RPRD2: variants seen among roughly 807,000 people sequenced by gnomAD.
RPRD2 encodes the protein regulation of nuclear pre-mRNA domain-containing protein 2.
RPRD2 carries 12 observed loss-of-function variants against 104.4 expected under a neutral mutation model. That is an observed-to-expected ratio of 0.11 (90% CI 0.07 to 0.19). RPRD2 has a LOEUF of 0.19. RPRD2 is among the 10% of genes least tolerant of loss of function. RPRD2 has a pLI of 1.00. For synonymous variants in RPRD2, 714 were observed against 684.9 expected (o/e 1.04, Z -0.66); for missense variants, 1,543 against 1,790.1 (o/e 0.86, Z 2.49).
intron 1 of RPRD2, among the ~76,000 whole-genome samples, chr1:150,370,332 T>G (rs587650449): frequency 2.5e-4 from 38 of 152,278 alleles, no homozygotes; most frequent in African/African-American, 9.1e-4. Context: ...GTACTTAAAC[T>G]GTGAACCTCA....
intron 9 of RPRD2, among the ~76,000 whole-genome samples, chr1:150,463,157 G>A (rs1570791584): frequency 1.3e-5 from 2 of 151,944 alleles, no homozygotes; most frequent in East Asian, 1.9e-4. Flanking sequence ...CACCCAGCCC[G>A]AAATTTTTTA....
rs1466335514 is a variant in RPRD2 at position 150,474,680 on chromosome 1, G to A, written c.*1346G>A. ...TATCTAGGGACACTGAAAAGTAAAT[G>A]TTGCTTTACTACAATTTTTTTTTAA... On this transcript the variant is annotated 3_prime_UTR_variant, in exon 11 of 11. Coordinates refer to ENST00000369068, the MANE Select transcript of RPRD2 (RefSeq NM_015203.5). 1.3e-5 allele frequency: 2 copies of A among 152,030 alleles called. No homozygotes were observed. The highest frequency in any genetic ancestry group is 2.9e-5 in the Non-Finnish European group (2 of 68,012). The allele number at this position is 152,030 out of a possible 1,614,324, so 9.4% of individuals were successfully genotyped here. A position where few individuals can be genotyped will look rare whatever the true frequency, so the allele number is the denominator to read the frequency against.
In RPRD2 at chr1:150,473,116, G is replaced by C; in HGVS notation, c.4168G>C (p.Gly1390Arg). ...GPPHGGGGGG[G>R]SNSSSGPPLG... ...ACCCCATGGAGGAGGAGGTGGGGGAGGCAGCAACAGCAGCAGTGGCCCCCC... is the reference window on the plus strand; with the variant it reads ...ACCCCATGGAGGAGGAGGTGGGGGACGCAGCAACAGCAGCAGTGGCCCCCC... The change falls in exon 11 of 11, where the codon GGC becomes CGC. Residue 1390 changes from glycine (G) to arginine (R), a missense_variant. Around this residue, in one of 4 missense-constraint regions of RPRD2, gnomAD observed 880 missense variants for 885.6 expected, o/e 0.99. Transcript: ENST00000369068. 3 of 1,613,972 alleles carry C rather than the reference G, an allele frequency of 1.9e-6. No individual in the cohort carries two copies. Among genetic ancestry groups the C allele is most frequent in the South Asian group, 2.2e-5 (2 of 91,090 alleles).
chr1:150,468,301 T>G (rs1224309415), intron 10 of RPRD2, among the ~76,000 whole-genome samples: 1 of 150,880 alleles, frequency 6.6e-6, no homozygotes, highest in Non-Finnish European at 1.5e-5. Context: ...ACCAGCCTGG[T>G]CAATATAGCA....
At chr1:150,467,339 T>G (rs1482014699) in intron 10 of RPRD2, among the ~76,000 whole-genome samples, 1 of 152,020 alleles carries the variant, frequency 6.6e-6, no homozygotes, top group African/African-American at 2.4e-5. Context: ...AATTTGAGAG[T>G]TTGACATGTT....
intron 1 of RPRD2, among the ~76,000 whole-genome samples, chr1:150,389,310 A>G (rs1487041932): frequency 1.3e-5 from 2 of 152,180 alleles, no homozygotes; most frequent in African/African-American, 4.8e-5. Flanking sequence ...TCGGCCTCGC[A>G]AAGTGCTGGG....
chr1:150,365,984 G>GT (rs1659816834), intron 1 of RPRD2, among the ~76,000 whole-genome samples: 1 of 152,190 alleles, frequency 6.6e-6, no homozygotes, highest in South Asian at 2.1e-4. Flanking sequence ...TGAATATGTA[G>GT]TACCTTTTTC....
chr1:150,454,653 A>G (rs903277737), intron 7 of RPRD2, among the ~76,000 whole-genome samples: 4 of 152,006 alleles, frequency 2.6e-5, no homozygotes, highest in African/African-American at 7.2e-5. Flanking sequence ...TTCGAGATCA[A>G]CCTAGCCAAC....
intron 10 of RPRD2, 143 bp downstream of exon 10, chr1:150,464,870 T>G (rs782798897): frequency 3.3e-5 from 14 of 418,446 alleles, no homozygotes; most frequent in East Asian, 4.7e-5. Flanking sequence ...ATTTATTTAT[T>G]TATTTATTTA....
chr1:150,431,742 A>G (rs1448563266), intron 2 of RPRD2, among the ~76,000 whole-genome samples: 2 of 151,988 alleles, frequency 1.3e-5, no homozygotes, highest in Non-Finnish European at 2.9e-5. Flanking sequence ...CAGCCTCCCA[A>G]AGTGCTGGGA....
intron 2 of RPRD2, among the ~76,000 whole-genome samples, chr1:150,439,627 C>CTTTTTTTTTTTTT: frequency 7.0e-6 from 1 of 142,292 alleles, no homozygotes; most frequent in Non-Finnish European, 1.5e-5. Context: ...TTTGACATAG[C>CTTTTTTTTTTTTT]TTTTTTTTTT....
intron 7 of RPRD2, among the ~76,000 whole-genome samples, chr1:150,453,424 C>T (rs1667329637): frequency 6.6e-6 from 1 of 152,168 alleles, no homozygotes; most frequent in South Asian, 2.1e-4. Flanking sequence ...CCTGCTTAGA[C>T]TCCAACATCC....
In RPRD2 at chr1:150,364,643, G is replaced by T; in HGVS notation, c.-72G>T. 1.3e-6 allele frequency: 1 copy of T among 781,920 alleles called. No individual in the cohort carries two copies. Among genetic ancestry groups the T allele is most frequent in the Non-Finnish European group, 2.1e-6 (1 of 484,934 alleles). 48.4% of individuals were successfully genotyped at this position (781,920 alleles called of 1,614,324 possible). On this transcript the variant is annotated 5_prime_UTR_variant, in exon 1 of 11. Transcript: ENST00000369068. The stretch of plus-strand genomic sequence containing the variant: ...CGGCTTTCACGCACTCGCAGTGATT[G>T]TTTTGCCCGCTCCCGCCGCCGCCGC...
chr1:150,408,574 TATC>T (rs1277291769), intron 1 of RPRD2, among the ~76,000 whole-genome samples: 8 of 152,312 alleles, frequency 5.3e-5, no homozygotes, highest in Non-Finnish European at 7.3e-5. Context: ...GACATGTACT[TATC>T]ATCCATATAA....
At chr1:150,385,052 A>G (rs1661464808) in intron 1 of RPRD2, among the ~76,000 whole-genome samples, 1 of 152,156 alleles carries the variant, frequency 6.6e-6, no homozygotes, top group African/African-American at 2.4e-5. Context: ...ACATGTACAC[A>G]TAAAAGCTAC....
intron 1 of RPRD2, among the ~76,000 whole-genome samples, chr1:150,404,829 C>T (rs1345114997): frequency 3.9e-5 from 6 of 152,170 alleles, no homozygotes; most frequent in African/African-American, 1.4e-4. Context: ...ATCCAGAATT[C>T]AGTCTGGTTT....
chr1:150,393,189 C>T (rs2102185309), intron 1 of RPRD2, among the ~76,000 whole-genome samples: 1 of 151,996 alleles, frequency 6.6e-6, no homozygotes, highest in Middle Eastern at 3.4e-3. Flanking sequence ...TTAAAGAGGG[C>T]TGGGTGCGGT....
At chr1:150,379,178 G>A (rs1357045611) in intron 1 of RPRD2, among the ~76,000 whole-genome samples, 2 of 151,182 alleles carry the variant, frequency 1.3e-5, no homozygotes. Flanking sequence ...AGCTACTCAG[G>A]AGGCTGAGGC....
chr1:150,428,454 CAAAAAAA>C (rs34596290), intron 2 of RPRD2, among the ~76,000 whole-genome samples: 139 of 71,262 alleles, frequency 2.0e-3, no homozygotes, highest in South Asian at 0.011. Context: ...GACTCTGTCT[CAAAAAAA>C]AAAAAAAAAA....
Sources: gnomAD v4.1 joint callset for allele counts (sites outside exome capture counted in the v4.1 genomes callset) on GRCh38, gnomAD v4.1.1 for gene constraint, gnomAD v4.1.1 regional missense constraint, MANE v1.5 for transcripts, NCBI Gene and HGNC (gene_info 2026-07-23, HGNC 2026-07-21) for gene names.